Variants in BANP observed in about 807,000 individuals in gnomAD.
BANP encodes protein BANP.
In BANP, 11 loss-of-function variants were observed where a neutral mutation model predicts 68.1. The observed-to-expected ratio is 0.16, with a 90% CI of 0.10 to 0.27. The LOEUF (loss-of-function observed/expected upper bound fraction) is 0.27, where lower values mean the gene tolerates loss of function less well. BANP is among the 10% of genes least tolerant of loss of function. The pLI, the probability that BANP is intolerant of heterozygous loss-of-function variation, is 1.00. For missense variants in BANP, 504 were observed against 722.7 expected (o/e 0.70, Z 3.47); for synonymous variants, 329 against 303.2 (o/e 1.09, Z -0.88).
At chr16:87,976,017 G>A (rs1305161845) in intron 2 of BANP, among the ~76,000 whole-genome samples, 1 of 152,206 alleles carries the variant, frequency 6.6e-6, no homozygotes, top group Non-Finnish European at 1.5e-5. Context: ...TTACCATGTT[G>A]TGTGTGTAAG....
At chr16:87,986,328 T>C (rs1598125143) in intron 4 of BANP, among the ~76,000 whole-genome samples, 1 of 152,216 alleles carries the variant, frequency 6.6e-6, no homozygotes, top group South Asian at 2.1e-4. Context: ...GGGAAAAGCG[T>C]TGACAAAATT....
intron 1 of BANP, among the ~76,000 whole-genome samples, chr16:87,958,751 T>A (rs1045177309): frequency 6.6e-6 from 1 of 152,132 alleles, no homozygotes; most frequent in Non-Finnish European, 1.5e-5. Context: ...TGCTTAGGGG[T>A]GACTGTGATT....
intron 1 of BANP, among the ~76,000 whole-genome samples, chr16:87,955,515 G>A (rs995348032): frequency 2.0e-5 from 3 of 152,282 alleles, no homozygotes; most frequent in Middle Eastern, 3.4e-3. Context: ...CAGCATTATT[G>A]CGTAAATGAC....
At chr16:88,051,524 C>CT (rs149644619) in intron 11 of BANP, among the ~76,000 whole-genome samples, 2,048 of 152,340 alleles carry the variant, frequency 0.013, 42 homozygotes, top group African/African-American at 0.041. Flanking sequence ...TTCCCAGGCA[C>CT]TGCTGCAGTG....
At chr16:88,011,752 G>T (rs994232479) in intron 6 of BANP, among the ~76,000 whole-genome samples, 3 of 152,104 alleles carry the variant, frequency 2.0e-5, no homozygotes, top group African/African-American at 7.3e-5. Context: ...GAGCCCACCG[G>T]GTTTTCAAAG....
chr16:88,067,028 G>C (rs997605693), intron 12 of BANP, among the ~76,000 whole-genome samples: 1 of 152,196 alleles, frequency 6.6e-6, no homozygotes, highest in Non-Finnish European at 1.5e-5. Context: ...TTTTGAACTC[G>C]CCTAGAAACC....
rs1021000554 is a variant in BANP, at chr16:88,040,202, C to T, written c.1311+2191C>T. 5.6e-4 allele frequency among the ~76,000 whole-genome samples: 85 copies of T among 151,648 alleles called. 1 individual carries two copies. Among genetic ancestry groups the T allele is most frequent in the Non-Finnish European group, 4.9e-4 (33 of 67,988 alleles). On this transcript the variant is annotated intron_variant, in intron 11 of 13. Coordinates refer to ENST00000682872, the MANE Select transcript of BANP (RefSeq NM_001386991.1). Reference sequence around the variant, plus strand: ...AACCGCTGTGTTCATCTGAAGCTGCCTTTTCTGGTGAATCTGTGTAGCGAA... The same window carrying T: ...AACCGCTGTGTTCATCTGAAGCTGCTTTTTCTGGTGAATCTGTGTAGCGAA...
At chr16:88,031,931 A>G (rs2078270280) in intron 8 of BANP, among the ~76,000 whole-genome samples, 1 of 151,560 alleles carries the variant, frequency 6.6e-6, no homozygotes, top group Non-Finnish European at 1.5e-5. Flanking sequence ...CAGCCTCCCA[A>G]GTAGTTGGGA....
intron 6 of BANP, among the ~76,000 whole-genome samples, chr16:88,011,998 GGTGTCC>G (rs2073270243): frequency 6.6e-6 from 1 of 152,214 alleles, no homozygotes; most frequent in African/African-American, 2.4e-5. Context: ...ACCTTTATGG[GGTGTCC>G]CTAGTCCCCA....
At chr16:88,011,219 G>T (rs955981186) in intron 6 of BANP, among the ~76,000 whole-genome samples, 1 of 152,248 alleles carries the variant, frequency 6.6e-6, no homozygotes, top group African/African-American at 2.4e-5. Context: ...TGGAGGTGTC[G>T]GGAGCAGTCT....
chr16:88,006,134 C>G lies in BANP; in HGVS notation c.524C>G (p.Pro175Arg). 1 of 1,613,948 alleles carries G rather than the reference C, an allele frequency of 6.2e-7. No individual in the cohort carries two copies. Among genetic ancestry groups the G allele is most frequent in the Non-Finnish European group, 8.5e-7 (1 of 1,179,938 alleles). The change falls in exon 6 of 14, where the codon CCG (proline) becomes CGG (arginine). Residue 175 changes from proline to arginine, a missense_variant. Physicochemically the swap from Pro to Arg is moderately radical, Grantham distance 103. This residue lies in a region of BANP where 238 missense variants were observed against 278.9 expected (regional missense o/e 0.85). Transcript: ENST00000682872. ...RRQNTIVVKV[P>R]GQEDSHHEDG... is the part of the protein sequence containing the mutation. ...CAGAACACCATTGTGGTGAAGGTGCCGGGCCAAGAAGACAGCCACCACGAG... is the reference window on the plus strand; with the variant it reads ...CAGAACACCATTGTGGTGAAGGTGCGGGGCCAAGAAGACAGCCACCACGAG...
At chr16:88,013,238 C>T (rs2073650813) in intron 6 of BANP, among the ~76,000 whole-genome samples, 1 of 152,252 alleles carries the variant, frequency 6.6e-6, no homozygotes, top group Non-Finnish European at 1.5e-5. Context: ...AGCGCCTCTC[C>T]CGTGAGATGG....
At chr16:88,041,507 C>T (rs1017881692) in intron 11 of BANP, among the ~76,000 whole-genome samples, 8 of 152,198 alleles carry the variant, frequency 5.3e-5, no homozygotes, top group African/African-American at 1.9e-4. Flanking sequence ...TATGAAGAAT[C>T]GCCTGATTTG....
chr16:88,043,764 A>C (rs1214698041), intron 11 of BANP, among the ~76,000 whole-genome samples: 1 of 152,234 alleles, frequency 6.6e-6, no homozygotes, highest in Non-Finnish European at 1.5e-5. Context: ...GAGTACGTTC[A>C]GACAGACGGT....
chr16:88,016,162 G>A (rs571408707), intron 6 of BANP, among the ~76,000 whole-genome samples: 20 of 152,348 alleles, frequency 1.3e-4, no homozygotes, highest in Non-Finnish European at 2.8e-4. Flanking sequence ...GGTTTAATCT[G>A]ACCAGGAAAT....
intron 1 of BANP, among the ~76,000 whole-genome samples, chr16:87,955,685 A>G (rs1338374503): frequency 6.6e-6 from 1 of 151,838 alleles, no homozygotes; most frequent in African/African-American, 2.4e-5. Context: ...GATACACGTC[A>G]CAAAGGGAAA....
At chr16:88,070,475 T>A (rs999057538) in intron 12 of BANP, among the ~76,000 whole-genome samples, 1 of 152,158 alleles carries the variant, frequency 6.6e-6, no homozygotes, top group African/African-American at 2.4e-5. Context: ...AGGCAGAAGG[T>A]CGACCGCTCC....
chr16:88,006,104 G>A lies in BANP; in HGVS notation c.494G>A (p.Arg165His), dbSNP rs773807056. The A allele has an allele frequency of 5.0e-6, 8 of 1,613,790 alleles. No individual in the cohort carries two copies. Among genetic ancestry groups the A allele is most frequent in the South Asian group, 1.1e-5 (1 of 91,076 alleles). ...TTCCCGTTTAGCGCTGTGCCTGGGC[G>A]TCGGCAGAACACCATTGTGGTGAAG... is the stretch of plus-strand genomic sequence containing the variant. ...ENVISNAVPG[R>H]RQNTIVVKVP... Residue 165 changes from arginine to histidine, a missense_variant, in exon 6 of 14, where the codon CGT becomes CAT. By Grantham distance (29) the Arg-to-His change is conservative (BLOSUM62 0). Transcript: ENST00000682872.
chr16:88,023,211 C>G (rs903558673), intron 7 of BANP, among the ~76,000 whole-genome samples: 5 of 152,170 alleles, frequency 3.3e-5, no homozygotes, highest in Non-Finnish European at 7.4e-5. Flanking sequence ...GAAAAGTGAG[C>G]AGAGCCTCCT....
Sources: gnomAD v4.1 joint callset for allele counts (sites outside exome capture counted in the v4.1 genomes callset) on GRCh38, gnomAD v4.1.1 for gene constraint, gnomAD v4.1.1 regional missense constraint, MANE v1.5 for transcripts, NCBI Gene and HGNC (gene_info 2026-07-23, HGNC 2026-07-21) for gene names.